MYO10: variants seen among roughly 807,000 people sequenced by gnomAD.
MYO10 encodes the protein unconventional myosin-X.
Under a neutral mutation model 257.3 loss-of-function variants are expected in MYO10, and 133 were observed. That is an observed-to-expected ratio of 0.52 (90% confidence interval 0.45 to 0.60). The LOEUF is 0.60. Ranked by LOEUF, MYO10 falls within the 20% of genes least tolerant of loss-of-function variation. The pLI, the probability that MYO10 is intolerant of heterozygous loss-of-function variation, is 0.00. For missense variants in MYO10, 2,399 were observed against 2,635.7 expected (o/e 0.91, Z 1.97); for synonymous variants, 1,104 against 1,028.6 (o/e 1.07, Z -1.40).
intron 6 of MYO10, among the ~76,000 whole-genome samples, chr5:16,781,406 T>C (rs1281546902): frequency 1.3e-5 from 2 of 152,114 alleles, no homozygotes; most frequent in East Asian, 3.9e-4. Flanking sequence ...AAAAATTATT[T>C]TATTTTTTTA....
chr5:16,701,713 C>A lies in MYO10; in HGVS notation c.2682G>T (p.Glu894Asp). The A allele has an allele frequency of 6.2e-7, 1 of 1,614,024 alleles. No individual in the cohort carries two copies. The highest frequency in any genetic ancestry group is 2.2e-5 in the East Asian group (1 of 44,870). The change falls in exon 25 of 41, where the codon GAG becomes GAT. Residue 894 changes from glutamate to aspartate, a missense_variant. Physicochemically the swap from Glu to Asp is conservative, Grantham distance 45. Coordinates refer to ENST00000513610, the MANE Select transcript of MYO10 (RefSeq NM_012334.3). The surrounding 1 kb of genome is among the most constrained non-coding windows in gnomAD (Gnocchi z 8.1). ...TGCGCTGCAGGTCCTCGATTTCTTT[C>A]TCCAGACGGAGGATCTCTTCCACCT... ...NKQVEEILRL[E>D]KEIEDLQRMK...
chr5:16,674,999 C>A lies in MYO10; in HGVS notation c.4818G>T (p.Leu1606=). 2 of 1,613,982 alleles carry A rather than the reference C, an allele frequency of 1.2e-6. No individual in the cohort carries two copies. The highest frequency in any genetic ancestry group is 1.6e-4 in the Middle Eastern group (1 of 6,062). ...GHDLRPLRDE[L]YCQLIKQTNK... is the part of the protein sequence containing the mutation. Reference sequence around the variant, plus strand: ...TGGTCTGTTTGATAAGCTGGCAGTACAGCTCGTCCCGCAGAGGTCGCAGGT... The same window carrying A: ...TGGTCTGTTTGATAAGCTGGCAGTAAAGCTCGTCCCGCAGAGGTCGCAGGT... Residue 1606 remains leucine, a synonymous_variant, in exon 35 of 41, where the codon CTG becomes CTT. Transcript: ENST00000513610.
At chr5:16,669,161 T>C (rs1275517101) in intron 39 of MYO10, among the ~76,000 whole-genome samples, 2 of 152,152 alleles carry the variant, frequency 1.3e-5, no homozygotes, top group South Asian at 4.1e-4. Flanking sequence ...CTCTAGTTTA[T>C]ATCCCTAATA....
chr5:16,673,947 G>A, intron 35 of MYO10, 58 bp from the exon 36 acceptor site: 1 of 1,510,192 alleles, frequency 6.6e-7, no homozygotes, highest in Admixed American at 1.7e-5. Flanking sequence ...CTGCTGGGAG[G>A]AACTAGGCTG....
Position 16,764,287 on chromosome 5 carries a change from A to G in MYO10, c.1289T>C (p.Ile430Thr). Residue 430 changes from isoleucine (I) to threonine (T), a missense_variant, in exon 12 of 41, where the codon ATT becomes ACT. Transcript: ENST00000513610. ...AAATCCAAAGATGTCGAGGATGCCA[A>G]TAGACTTGAAGTCCTCATTGCCTTT... is the stretch of plus-strand genomic sequence containing the variant. Reference protein sequence around the residue: ...RIKGNEDFKSIGILDIFGFEN... With the variant: ...RIKGNEDFKSTGILDIFGFEN... 1 of 1,614,054 alleles carries G rather than the reference A, an allele frequency of 6.2e-7. No individual in the cohort carries two copies. Among genetic ancestry groups the G allele is most frequent in the South Asian group, 1.1e-5 (1 of 91,078 alleles).
rs1013050043 is a variant in MYO10, at chr5:16,662,846, C to G, written c.*3846G>C. On this transcript the variant is annotated 3_prime_UTR_variant, in exon 41 of 41. Coordinates refer to ENST00000513610, the MANE Select transcript of MYO10 (RefSeq NM_012334.3). ...AAAAGGGAGTTCCCCTGTGCAAGCT[C>G]TCTTGCCTGCTGCCATATAAGATGT... 6.6e-6 allele frequency: 1 copy of G among 152,182 alleles called. No homozygotes were observed. Among genetic ancestry groups the G allele is most frequent in the African/African-American group, 2.4e-5 (1 of 41,442 alleles). 9.4% of individuals were successfully genotyped at this position (152,182 alleles called of 1,614,324 possible). A position where few individuals can be genotyped will look rare whatever the true frequency, so the allele number is the denominator to read the frequency against.
At position 16,663,329 on chromosome 5, in the gene MYO10, T is replaced by TTTG. The variant is rs1736043771; in HGVS notation, c.*3362_*3363insCAA. The TTTG allele has an allele frequency of 5.1e-5, 1 of 19,568 alleles. No individual in the cohort carries two copies. The highest frequency in any genetic ancestry group is 1.7e-4 in the African/African-American group (1 of 5,728). 1.2% of individuals were successfully genotyped at this position (19,568 alleles called of 1,614,324 possible). A position where few individuals can be genotyped will look rare whatever the true frequency, so the allele number is the denominator to read the frequency against. On this transcript the variant is annotated 3_prime_UTR_variant, in exon 41 of 41. Coordinates refer to ENST00000513610, the MANE Select transcript of MYO10 (RefSeq NM_012334.3). The stretch of plus-strand genomic sequence containing the variant: ...AAAAGTAACATTTTACTTCTAGTTG[T>TTTG]TTTTTTTTTTTTTTTTTTTTTTTTT...
rs542286901 is a variant in MYO10 at position 16,759,569 on chromosome 5, C to G, written c.1740-1343G>C. Among the ~76,000 whole-genome samples the G allele has an allele frequency of 9.2e-5, 14 of 152,240 alleles. No homozygotes were observed. The East Asian group carries it at 1.7e-3, about 19-fold the overall frequency. On this transcript the variant is annotated intron_variant, in intron 17 of 40. Transcript: ENST00000513610. ...AGCTCCTCGGTTTGCAAGGGGAAAC[C>G]TGGGGTTGAGACAGGAAGTTCTTTA...
chr5:16,663,210 A>G lies in MYO10; in HGVS notation c.*3482T>C. 6.6e-6 allele frequency: 1 copy of G among 152,108 alleles called. No homozygotes were observed. The highest frequency in any genetic ancestry group is 1.9e-4 in the East Asian group (1 of 5,196). 9.4% of individuals were successfully genotyped at this position (152,108 alleles called of 1,614,324 possible). A position where few individuals can be genotyped will look rare whatever the true frequency, so the allele number is the denominator to read the frequency against. On this transcript the variant is annotated 3_prime_UTR_variant, in exon 41 of 41. Coordinates refer to ENST00000513610, the MANE Select transcript of MYO10 (RefSeq NM_012334.3). ...TATGTATGTATGAGTAAATGATTGG[A>G]CAGCTTAAATTATTTTTGAGAGAAT... is the stretch of plus-strand genomic sequence containing the variant.
At chr5:16,792,625 G>C (rs1349073095) in intron 4 of MYO10, among the ~76,000 whole-genome samples, 2 of 152,096 alleles carry the variant, frequency 1.3e-5, no homozygotes, top group African/African-American at 2.4e-5. Context: ...GGTGAAAGGA[G>C]AAAGGCAGCA....
chr5:16,667,075 C>T (rs182199568), intron 40 of MYO10, among the ~76,000 whole-genome samples: 9 of 152,358 alleles, frequency 5.9e-5, no homozygotes, highest in Admixed American at 3.9e-4. Context: ...AAATCCAGAA[C>T]TAACCGAGGA....
chr5:16,850,108 G>T (rs1743755165), intron 2 of MYO10, among the ~76,000 whole-genome samples: 1 of 152,016 alleles, frequency 6.6e-6, no homozygotes, highest in Non-Finnish European at 1.5e-5. Context: ...AAATTTATTG[G>T]TCTACACTGA....
chr5:16,715,923 G>T (rs1055766026), intron 19 of MYO10, among the ~76,000 whole-genome samples: 1 of 151,998 alleles, frequency 6.6e-6, no homozygotes, highest in African/African-American at 2.4e-5. Context: ...GAGTGTGGTG[G>T]CATGTGCCTG....
At chr5:16,806,082 C>T (rs1560994379) in intron 3 of MYO10, among the ~76,000 whole-genome samples, 1 of 151,940 alleles carries the variant, frequency 6.6e-6, no homozygotes, top group African/African-American at 2.4e-5. Context: ...CAGTGGATCA[C>T]GCCTATAATC....
intron 4 of MYO10, among the ~76,000 whole-genome samples, chr5:16,794,380 C>CCT (rs1553996933): frequency 3.0e-5 from 2 of 67,116 alleles, no homozygotes; most frequent in Non-Finnish European, 6.3e-5. Context: ...ATAAATGTTG[C>CCT]TTTAAAAAAA....
chr5:16,671,926 G>A (rs1736482840), intron 37 of MYO10, among the ~76,000 whole-genome samples: 1 of 152,144 alleles, frequency 6.6e-6, no homozygotes, highest in African/African-American at 2.4e-5. Context: ...GAATACTCTT[G>A]TATGAGGGCT....
intron 38 of MYO10, 122 bp from the exon 39 acceptor site, chr5:16,671,100 C>A: frequency 1.0e-6 from 1 of 956,272 alleles, no homozygotes; most frequent in Non-Finnish European, 1.5e-6. Flanking sequence ...ACTGCCCTGG[C>A]TAAAACTGTA....
intron 2 of MYO10, among the ~76,000 whole-genome samples, chr5:16,874,411 G>C (rs984950567): frequency 9.5e-5 from 13 of 136,638 alleles, no homozygotes; most frequent in African/African-American, 3.5e-4. Flanking sequence ...CGTTATGCTC[G>C]CTTCCCTTAT....
chr5:16,880,918 T>C (rs1357860031), intron 1 of MYO10, among the ~76,000 whole-genome samples: 2 of 152,240 alleles, frequency 1.3e-5, no homozygotes, highest in Non-Finnish European at 2.9e-5. Flanking sequence ...TGATGACTTT[T>C]TTCGGCCTCT....
Sources: allele counts gnomAD v4.1 joint callset (sites outside exome capture counted in the v4.1 genomes callset), GRCh38; gene constraint gnomAD v4.1.1; non-coding constraint Gnocchi (gnomAD v3.1); transcripts MANE v1.5; gene names NCBI Gene and HGNC (gene_info 2026-07-23, HGNC 2026-07-21).